The following TMTC2 variants were observed in gnomAD, a reference collection of about 807,000 sequenced individuals.
The protein encoded by TMTC2 is protein O-mannosyl-transferase TMTC2.
Under a neutral mutation model 82.4 loss-of-function variants are expected in TMTC2, and 43 were observed. The observed-to-expected ratio is 0.52, with a 90% CI of 0.41 to 0.67. The LOEUF (loss-of-function observed/expected upper bound fraction) is 0.67. Ranked by LOEUF, TMTC2 falls within the 30% of genes least tolerant of loss-of-function variation. TMTC2 has a pLI of 0.00. For synonymous variants in TMTC2, 408 were observed against 381.9 expected (o/e 1.07, Z -0.80); for missense variants, 919 against 1,012.4 (o/e 0.91, Z 1.25).
intron 4 of TMTC2, among the ~76,000 whole-genome samples, chr12:82,953,939 C>T (rs1052332613): frequency 5.3e-5 from 8 of 151,914 alleles, no homozygotes; most frequent in Non-Finnish European, 1.2e-4. Flanking sequence ...AATGAACATA[C>T]TTCTTAAATA....
intron 1 of TMTC2, among the ~76,000 whole-genome samples, chr12:82,729,005 C>T (rs1473770850): frequency 6.6e-6 from 1 of 152,236 alleles, no homozygotes; most frequent in Non-Finnish European, 1.5e-5. Flanking sequence ...GAGCCTCCGC[C>T]CTCACCCTGC....
chr12:82,916,259 G>A (rs138750026), intron 3 of TMTC2, among the ~76,000 whole-genome samples: 434 of 152,324 alleles, frequency 2.8e-3, no homozygotes, highest in African/African-American at 0.01. Context: ...TTTGTTGCCT[G>A]TGATTTGAGG....
intron 3 of TMTC2, among the ~76,000 whole-genome samples, chr12:82,898,875 C>A (rs1184891303): frequency 1.3e-5 from 2 of 152,158 alleles, no homozygotes; most frequent in African/African-American, 4.8e-5. Flanking sequence ...AAGGAGAGGG[C>A]AAATACTCAG....
intron 3 of TMTC2, among the ~76,000 whole-genome samples, chr12:82,909,813 A>T (rs894805237): frequency 6.6e-6 from 1 of 152,236 alleles, no homozygotes; most frequent in Non-Finnish European, 1.5e-5. Context: ...AATATCTTCA[A>T]ATCTGACACC....
At chr12:83,103,632 G>C (rs1300334604) in intron 11 of TMTC2, among the ~76,000 whole-genome samples, 1 of 152,010 alleles carries the variant, frequency 6.6e-6, no homozygotes, top group Non-Finnish European at 1.5e-5. Flanking sequence ...CCAACATTGG[G>C]GATTACATTT....
At chr12:82,765,638 C>T (rs1876907671) in intron 1 of TMTC2, among the ~76,000 whole-genome samples, 1 of 151,980 alleles carries the variant, frequency 6.6e-6, no homozygotes, top group Non-Finnish European at 1.5e-5. Context: ...TGCACCATTG[C>T]ACTCTAGCTT....
chr12:82,717,417 G>A (rs1306442692), intron 1 of TMTC2, among the ~76,000 whole-genome samples: 1 of 151,968 alleles, frequency 6.6e-6, no homozygotes, highest in East Asian at 1.9e-4. Context: ...TTTTAGTAGA[G>A]ATGGGGTTTT....
chr12:83,122,454 A>G (rs138801987), intron 11 of TMTC2, among the ~76,000 whole-genome samples: 1 of 152,122 alleles, frequency 6.6e-6, no homozygotes, highest in East Asian at 1.9e-4. Context: ...GGCCAGGCAG[A>G]GATGGCTTGC....
At chr12:83,120,249 G>A (rs1884906188) in intron 11 of TMTC2, among the ~76,000 whole-genome samples, 2 of 152,122 alleles carry the variant, frequency 1.3e-5, no homozygotes, top group South Asian at 2.1e-4. Flanking sequence ...TATAGGTTCT[G>A]TGAGATTTAT....
intron 4 of TMTC2, among the ~76,000 whole-genome samples, chr12:82,962,784 A>C (rs2137298146): frequency 6.6e-6 from 1 of 152,156 alleles, no homozygotes; most frequent in African/African-American, 2.4e-5. Flanking sequence ...GCATTATGTC[A>C]TGCAGAGACT....
intron 2 of TMTC2, among the ~76,000 whole-genome samples, chr12:82,883,075 A>C (rs924478765): frequency 5.3e-5 from 8 of 151,152 alleles, no homozygotes; most frequent in South Asian, 2.1e-4. Context: ...AAAAAAAAAA[A>C]AAAAAAACCA....
In TMTC2 at chr12:82,687,351, A is replaced by T. The variant is rs780251467; in HGVS notation, c.-236A>T. 23 of 551,142 alleles carry T rather than the reference A, an allele frequency of 4.2e-5. No homozygotes were observed. The highest frequency in any genetic ancestry group is 6.8e-5 in the Non-Finnish European group (21 of 307,314). The allele number at this position is 551,142 out of a possible 1,614,324, so 34.1% of individuals were successfully genotyped here. The stretch of plus-strand genomic sequence containing the variant: ...CGCTCACCGCTTGCGGGCGCCGGGC[A>T]TGGGGAGTGTGGTGTGAGCCCGCAC... On this transcript the variant is annotated 5_prime_UTR_variant, in exon 1 of 12. The change abolishes an upstream ATG in the 5' untranslated region. Coordinates refer to ENST00000321196, the MANE Select transcript of TMTC2 (RefSeq NM_152588.3).
intron 1 of TMTC2, among the ~76,000 whole-genome samples, chr12:82,728,271 G>T (rs1377458942): frequency 6.6e-6 from 1 of 151,902 alleles, no homozygotes; most frequent in Non-Finnish European, 1.5e-5. Flanking sequence ...GTACCCCAGA[G>T]CCTGGTATAC....
intron 2 of TMTC2, among the ~76,000 whole-genome samples, chr12:82,870,764 A>G (rs1330243383): frequency 6.6e-6 from 1 of 152,202 alleles, no homozygotes; most frequent in Non-Finnish European, 1.5e-5. Context: ...TGGCAACCCT[A>G]ATGTAAAAGT....
intron 1 of TMTC2, among the ~76,000 whole-genome samples, chr12:82,762,551 A>C (rs1403870605): frequency 6.6e-6 from 1 of 152,164 alleles, no homozygotes; most frequent in Non-Finnish European, 1.5e-5. Context: ...TAGAGATAGA[A>C]TATAAGAGAT....
intron 4 of TMTC2, among the ~76,000 whole-genome samples, chr12:82,953,792 A>G (rs571518090): frequency 6.6e-6 from 1 of 152,052 alleles, no homozygotes; most frequent in African/African-American, 2.4e-5. Context: ...ATGCATAAAA[A>G]ACCTTAGGAA....
intron 3 of TMTC2, among the ~76,000 whole-genome samples, chr12:82,919,023 T>C (rs1038354078): frequency 3.9e-5 from 6 of 152,254 alleles, no homozygotes; most frequent in Non-Finnish European, 8.8e-5. Context: ...CCCAGAGTGC[T>C]GGGATTACAG....
chr12:82,724,897 C>T (rs1427044681), intron 1 of TMTC2, among the ~76,000 whole-genome samples: 1 of 152,122 alleles, frequency 6.6e-6, no homozygotes, highest in East Asian at 1.9e-4. Context: ...ACAATAAACA[C>T]ATTTCTGCTG....
intron 3 of TMTC2, among the ~76,000 whole-genome samples, chr12:82,903,853 GAT>G (rs558830078): frequency 2.4e-3 from 370 of 152,304 alleles, no homozygotes; most frequent in Non-Finnish European, 4.2e-3. Flanking sequence ...TCTGTTTACA[GAT>G]ATAATGTACA....
Sources: gnomAD v4.1 joint callset for allele counts (sites outside exome capture counted in the v4.1 genomes callset) on GRCh38, gnomAD v4.1.1 for gene constraint, MANE v1.5 for transcripts, NCBI Gene and HGNC (gene_info 2026-07-23, HGNC 2026-07-21) for gene names.